The following GRIN1 variants were observed in gnomAD, a reference collection of about 807,000 sequenced individuals.
The protein encoded by GRIN1 is glutamate receptor ionotropic, NMDA 1.
GRIN1 carries 38 observed loss-of-function variants against 103.0 expected under a neutral mutation model. The observed-to-expected ratio is 0.37, with a 90% CI of 0.28 to 0.48. The LOEUF (loss-of-function observed/expected upper bound fraction) is 0.48, where lower values mean the gene tolerates loss of function less well. Ranked by LOEUF, GRIN1 falls within the 20% of genes least tolerant of loss-of-function variation. The probability of loss-of-function intolerance (pLI) is 0.98; values close to 1 mark genes in which losing one functional copy is unlikely to be tolerated. For missense variants in GRIN1, 577 were observed against 1,288.9 expected (o/e 0.45, Z 8.46); for synonymous variants, 544 against 532.7 (o/e 1.02, Z -0.29).
rs1832565618 is a variant in GRIN1 at position 137,146,913 on chromosome 9, G to A, written c.570+1011G>A. 6.6e-6 allele frequency among the ~76,000 whole-genome samples: 1 copy of A among 152,052 alleles called. No homozygotes were observed. The highest frequency in any genetic ancestry group is 2.4e-5 in the African/African-American group (1 of 41,402). On this transcript the variant is annotated intron_variant, in intron 3 of 19. Coordinates refer to ENST00000371561, the MANE Select transcript of GRIN1 (RefSeq NM_007327.4). The surrounding 1 kb of genome is among the most constrained non-coding windows in gnomAD (Gnocchi z 6.7). ...GCCAGGGGCAGACCAGAGGGTCCTG[G>A]GAGTACTGTCGTGGGGGGTCTGCTG... is the stretch of plus-strand genomic sequence containing the variant.
chr9:137,166,983 C>G (rs1833914210), intron 19 of GRIN1, among the ~76,000 whole-genome samples: 1 of 152,228 alleles, frequency 6.6e-6, no homozygotes, highest in South Asian at 2.1e-4. Flanking sequence ...TCCCAGGGCC[C>G]TGCCTGGAGC....
At chr9:137,141,922 G>T (rs1832192453) in intron 1 of GRIN1, 91 bp from the exon 2 acceptor site, 2 of 1,386,298 alleles carry the variant, frequency 1.4e-6, no homozygotes, top group African/African-American at 1.4e-5. Context: ...TAGCCTGCTG[G>T]GTTCAGCCCC....
Position 137,139,664 on chromosome 9 carries a change from C to T in GRIN1, c.178C>T (p.Leu60Phe). 3 of 1,613,832 alleles carry T rather than the reference C, an allele frequency of 1.9e-6. No individual in the cohort carries two copies. Among genetic ancestry groups the T allele is most frequent in the Non-Finnish European group, 2.5e-6 (3 of 1,179,856 alleles). ...NKRHGSWKIQLNATSVTHKPN... is the reference protein window; with the variant it reads ...NKRHGSWKIQFNATSVTHKPN... ...GCGGCACGGCTCCTGGAAGATTCAGCTCAATGCCACCTCCGTCACGCACAA... is the reference window on the plus strand; with the variant it reads ...GCGGCACGGCTCCTGGAAGATTCAGTTCAATGCCACCTCCGTCACGCACAA... Residue 60 changes from leucine to phenylalanine, a missense_variant, in exon 1 of 20, where the codon CTC (leucine) becomes TTC (phenylalanine). Around this residue, in one of 9 missense-constraint regions of GRIN1, gnomAD observed 308 missense variants for 553.6 expected, o/e 0.56. Transcript: ENST00000371561. The surrounding 1 kb of genome is among the most constrained non-coding windows in gnomAD (Gnocchi z 7.7).
At chr9:137,152,741 C>T (rs912132627) in intron 4 of GRIN1, among the ~76,000 whole-genome samples, 12 of 152,120 alleles carry the variant, frequency 7.9e-5, no homozygotes, top group Non-Finnish European at 1.3e-4. Flanking sequence ...ACAGGAACCA[C>T]GTGCATACCA....
intron 4 of GRIN1, 36 bp downstream of exon 4, chr9:137,149,145 G>T (rs1458556921): frequency 7.3e-7 from 1 of 1,371,120 alleles, no homozygotes; most frequent in South Asian, 1.2e-5. Context: ...CTCCACACAG[G>T]ATGGTACCTG....
At chr9:137,152,400 T>A (rs1162240168) in intron 4 of GRIN1, among the ~76,000 whole-genome samples, 1 of 152,128 alleles carries the variant, frequency 6.6e-6, no homozygotes, top group Non-Finnish European at 1.5e-5. Context: ...CCCTAAAACA[T>A]ACCTGTTCCA....
chr9:137,148,914 C>A (rs1832691387), intron 3 of GRIN1, 95 bp from the exon 4 acceptor site: 1 of 887,652 alleles, frequency 1.1e-6, no homozygotes, highest in Non-Finnish European at 1.8e-6. Context: ...AGCTAAGCTG[C>A]CTCGGGGTTC....
intron 16 of GRIN1, 41 bp downstream of exon 16, chr9:137,163,371 C>G (rs1833669170): frequency 6.2e-7 from 1 of 1,605,886 alleles, no homozygotes; most frequent in Admixed American, 1.7e-5. Context: ...CGCCCCTCTC[C>G]GCCAGAGGTG....
chr9:137,162,695 C>T lies in GRIN1; in HGVS notation c.1969C>T (p.Leu657=). ...CGCCAACCTGGCGGCCTTCCTGGTG[C>T]TGGACCGGCCGGAGGAGCGCATCAC... ...YTANLAAFLV[L]DRPEERITGI... Residue 657 remains leucine (L), a synonymous_variant, in exon 14 of 20, where the codon CTG becomes TTG. Transcript: ENST00000371561. The T allele has an allele frequency of 6.2e-7, 1 of 1,608,954 alleles. No individual in the cohort carries two copies. The highest frequency in any genetic ancestry group is 1.3e-5 in the African/African-American group (1 of 75,012).
chr9:137,153,358 C>T (rs1408432982), intron 4 of GRIN1, among the ~76,000 whole-genome samples: 1 of 151,912 alleles, frequency 6.6e-6, no homozygotes, highest in Non-Finnish European at 1.5e-5. Context: ...ATAGGTCATA[C>T]ACAACACATA....
chr9:137,144,377 G>A lies in GRIN1; in HGVS notation c.394-1349G>A, dbSNP rs369981488. ...TCTAGAAAGTGTCCCCAGGTTGGCC[G>A]GGCGCGGTGGCTCACGCCTGTAATC... On this transcript the variant is annotated intron_variant, in intron 2 of 19. Coordinates refer to ENST00000371561, the MANE Select transcript of GRIN1 (RefSeq NM_007327.4). Among the ~76,000 whole-genome samples the A allele has an allele frequency of 2.8e-4, 42 of 151,608 alleles. No individual in the cohort carries two copies. The South Asian group carries it at 5.4e-3, about 20-fold the overall frequency.
chr9:137,167,718 G>A lies in GRIN1; in HGVS notation c.*191G>A. The A allele has an allele frequency of 6.2e-7, 1 of 1,608,738 alleles. No homozygotes were observed. The stretch of plus-strand genomic sequence containing the variant: ...CCGGTCCACCCCGTCCCGGCCCCGC[G>A]CGTGCCCCCAGCGTGGGGCTAACGG... On this transcript the variant is annotated 3_prime_UTR_variant, in exon 20 of 20. Transcript: ENST00000371561.
intron 2 of GRIN1, among the ~76,000 whole-genome samples, chr9:137,143,423 G>A (rs909020359): frequency 6.6e-6 from 1 of 152,264 alleles, no homozygotes; most frequent in Non-Finnish European, 1.5e-5. Flanking sequence ...TCTCATTCCT[G>A]TGCCCTCAGG....
At chr9:137,149,968 A>G (rs998953754) in intron 4 of GRIN1, among the ~76,000 whole-genome samples, 2 of 152,154 alleles carry the variant, frequency 1.3e-5, no homozygotes, top group Non-Finnish European at 2.9e-5. Flanking sequence ...TAGCACGGAG[A>G]CAGATGCAGC....
In GRIN1 at chr9:137,156,756, G is replaced by A. The variant is rs1064797354; in HGVS notation, c.759G>A (p.Glu253=). The part of the protein sequence containing the change: ...SGYVWLVGER[E]ISGNALRYAP... ...ACGTGTGGCTGGTCGGCGAGCGCGAGATCTCGGGGAACGCCCTGCGCTACG... is the reference window on the plus strand; with the variant it reads ...ACGTGTGGCTGGTCGGCGAGCGCGAAATCTCGGGGAACGCCCTGCGCTACG... The change falls in exon 5 of 20, where the codon GAG becomes GAA. Residue 253 remains glutamate, a synonymous_variant. Transcript: ENST00000371561. 1 of 1,588,310 alleles carries A rather than the reference G, an allele frequency of 6.3e-7. No homozygotes were observed. Among genetic ancestry groups the A allele is most frequent in the South Asian group, 1.1e-5 (1 of 87,662 alleles).
rs746040843 is a variant in GRIN1 at position 137,156,948 on chromosome 9, C to T, written c.879C>T (p.His293=). The T allele has an allele frequency of 6.8e-6, 11 of 1,611,952 alleles. No individual in the cohort carries two copies. The highest frequency in any genetic ancestry group is 8.5e-6 in the Non-Finnish European group (10 of 1,179,802). Residue 293 remains histidine, a synonymous_variant, in exon 6 of 20, where the codon CAC becomes CAT. Transcript: ENST00000371561. The part of the protein sequence containing the change: ...DAVGVVAQAV[H]ELLEKENITD... ...TGGGCGTGGTGGCCCAGGCCGTGCACGAGCTCCTCGAGAAGGAGAACATCA... is the reference window on the plus strand; with the variant it reads ...TGGGCGTGGTGGCCCAGGCCGTGCATGAGCTCCTCGAGAAGGAGAACATCA...
chr9:137,144,091 G>A (rs1453779671), intron 2 of GRIN1, among the ~76,000 whole-genome samples: 3 of 152,172 alleles, frequency 2.0e-5, no homozygotes, highest in South Asian at 2.1e-4. Context: ...GGGGATCTTC[G>A]AGGCGCTATG....
At chr9:137,163,373 C>T (rs777796022) in intron 16 of GRIN1, 43 bp downstream of exon 16, 1 of 1,604,872 alleles carries the variant, frequency 6.2e-7, no homozygotes, top group South Asian at 1.1e-5. Context: ...CCCCTCTCCG[C>T]CAGAGGTGGA....
At chr9:137,158,831 T>C in intron 8 of GRIN1, 127 bp downstream of exon 8, 1 of 738,906 alleles carries the variant, frequency 1.4e-6, no homozygotes, top group East Asian at 2.6e-5. Flanking sequence ...TGGGGCCTGC[T>C]TCCCCTGGAC....
Sources: allele counts gnomAD v4.1 joint callset (sites outside exome capture counted in the v4.1 genomes callset), GRCh38; gene constraint gnomAD v4.1.1; regional missense constraint gnomAD v4.1.1; non-coding constraint Gnocchi (gnomAD v3.1); transcripts MANE v1.5; gene names NCBI Gene and HGNC (gene_info 2026-07-23, HGNC 2026-07-21).